Variants in MLLT3 observed in about 807,000 individuals in gnomAD.
MLLT3 encodes protein AF-9.
In MLLT3, 4 loss-of-function variants were observed where a neutral mutation model predicts 53.2. That is an observed-to-expected ratio of 0.08 (90% CI 0.04 to 0.17). The LOEUF (loss-of-function observed/expected upper bound fraction) is 0.17. MLLT3 is among the 10% of genes least tolerant of loss of function. The probability of loss-of-function intolerance (pLI) is 1.00; values close to 1 mark genes in which losing one functional copy is unlikely to be tolerated. For synonymous variants in MLLT3, 283 were observed against 230.6 expected, an observed-to-expected ratio of 1.23 and a Z score of -2.06; for missense variants, 569 against 684.0, an observed-to-expected ratio of 0.83 and a Z score of 1.87.
chr9:20,431,526 G>C (rs1823268176), intron 4 of MLLT3, among the ~76,000 whole-genome samples: 1 of 152,130 alleles, frequency 6.6e-6, no homozygotes, highest in Non-Finnish European at 1.5e-5. Context: ...TAAAGGTTAA[G>C]CATGGTTTAT....
chr9:20,426,681 C>T (rs1173113226), intron 4 of MLLT3, among the ~76,000 whole-genome samples: 1 of 152,008 alleles, frequency 6.6e-6, no homozygotes, highest in Non-Finnish European at 1.5e-5. Context: ...CAGAAAACAA[C>T]TCGTCTAATT....
chr9:20,595,334 G>A (rs1291634), intron 2 of MLLT3, among the ~76,000 whole-genome samples: 61,520 of 151,890 alleles, frequency 0.41, 13,093 homozygotes, highest in Middle Eastern at 0.49. Flanking sequence ...ACATACCACT[G>A]CACTCCAGCC....
chr9:20,561,750 G>C (rs1819218123), intron 2 of MLLT3, among the ~76,000 whole-genome samples: 1 of 152,158 alleles, frequency 6.6e-6, no homozygotes, highest in South Asian at 2.1e-4. Context: ...AAATCTGTTT[G>C]ATCTCTGCAG....
intron 2 of MLLT3, among the ~76,000 whole-genome samples, chr9:20,467,089 T>C (rs958291742): frequency 1.3e-5 from 2 of 151,686 alleles, no homozygotes; most frequent in African/African-American, 4.8e-5. Flanking sequence ...AGAGACACTA[T>C]GAAAATAAGA....
intron 5 of MLLT3, among the ~76,000 whole-genome samples, chr9:20,372,141 C>T (rs1350370144): frequency 6.6e-6 from 1 of 152,136 alleles, no homozygotes; most frequent in African/African-American, 2.4e-5. Context: ...TGAGGAGTTG[C>T]TGCTTATGGA....
chr9:20,437,470 AG>A (rs1382864662), intron 4 of MLLT3, among the ~76,000 whole-genome samples: 3 of 152,204 alleles, frequency 2.0e-5, no homozygotes, highest in African/African-American at 7.2e-5. Flanking sequence ...AAATGATCCC[AG>A]GGGTTGGTGT....
At chr9:20,372,677 G>C (rs1010708846) in intron 5 of MLLT3, among the ~76,000 whole-genome samples, 1 of 150,858 alleles carries the variant, frequency 6.6e-6, no homozygotes, top group African/African-American at 2.4e-5. Flanking sequence ...CAAAGTGCTG[G>C]GATTACAGGC....
At chr9:20,602,548 C>T (rs1820452617) in intron 2 of MLLT3, among the ~76,000 whole-genome samples, 1 of 152,064 alleles carries the variant, frequency 6.6e-6, no homozygotes, top group Non-Finnish European at 1.5e-5. Flanking sequence ...CACACAAACA[C>T]CTAACCCATA....
chr9:20,571,570 C>G (rs1221676395), intron 2 of MLLT3, among the ~76,000 whole-genome samples: 1 of 152,116 alleles, frequency 6.6e-6, no homozygotes, highest in Non-Finnish European at 1.5e-5. Flanking sequence ...AGGTATTTCT[C>G]CTAATGCTAT....
At chr9:20,370,064 T>A (rs566995564) in intron 5 of MLLT3, among the ~76,000 whole-genome samples, 1 of 152,230 alleles carries the variant, frequency 6.6e-6, no homozygotes, top group Non-Finnish European at 1.5e-5. Flanking sequence ...TCTAACCACA[T>A]GCTTACCTGA....
intron 2 of MLLT3, among the ~76,000 whole-genome samples, chr9:20,500,005 G>GA: frequency 6.6e-6 from 1 of 152,260 alleles, no homozygotes; most frequent in South Asian, 2.1e-4. Flanking sequence ...CCACCTAACA[G>GA]AAAATGGAAA....
intron 2 of MLLT3, among the ~76,000 whole-genome samples, chr9:20,492,058 A>C (rs1824961253): frequency 6.6e-6 from 1 of 152,096 alleles, no homozygotes; most frequent in South Asian, 2.1e-4. Flanking sequence ...TAACCTATTT[A>C]GAAAAAAAGA....
At chr9:20,584,972 C>T (rs1485869975) in intron 2 of MLLT3, among the ~76,000 whole-genome samples, 1 of 152,188 alleles carries the variant, frequency 6.6e-6, no homozygotes, top group East Asian at 1.9e-4. Flanking sequence ...TATAAACATT[C>T]ATGGGCAGGT....
At chr9:20,504,346 G>A (rs1331585862) in intron 2 of MLLT3, among the ~76,000 whole-genome samples, 1 of 144,520 alleles carries the variant, frequency 6.9e-6, no homozygotes, top group Non-Finnish European at 1.5e-5. Flanking sequence ...TATCCCCAAT[G>A]GAATTGTGTG....
chr9:20,375,610 CT>C (rs1307638910), intron 5 of MLLT3, among the ~76,000 whole-genome samples: 1,372 of 94,748 alleles, frequency 0.014, 4 homozygotes, highest in South Asian at 0.03. Flanking sequence ...TTTTTCTTTT[CT>C]TTTTTTTTTT....
At position 20,621,737 on chromosome 9, in the gene MLLT3, A is replaced by G. The variant is rs772253849; in HGVS notation, c.12+508T>C. On this transcript the variant is annotated intron_variant, in intron 1 of 10. Transcript: ENST00000380338. This position sits in a 1 kb window ranked among gnomAD's most constrained non-coding sequence, Gnocchi z 7.0. ...GGCCCCGCCGCTGTCAGCCCCGCAC[A>G]CTTCGGCTCACACACGCGCGCCGCG... 2.0e-5 allele frequency: 30 copies of G among 1,489,282 alleles called. No homozygotes were observed. The South Asian group carries it at 3.7e-4, about 19-fold the overall frequency. The allele number at this position is 1,489,282 out of a possible 1,614,324, so 92.3% of individuals were successfully genotyped here. A position where few individuals can be genotyped will look rare whatever the true frequency, so the allele number is the denominator to read the frequency against.
intron 2 of MLLT3, among the ~76,000 whole-genome samples, chr9:20,544,239 A>G (rs921672641): frequency 6.6e-6 from 1 of 152,210 alleles, no homozygotes; most frequent in African/African-American, 2.4e-5. Context: ...CCTTCAGAAT[A>G]TCGGATTTGG....
chr9:20,417,661 T>C (rs1822904365), intron 4 of MLLT3, among the ~76,000 whole-genome samples: 1 of 152,138 alleles, frequency 6.6e-6, no homozygotes, highest in Non-Finnish European at 1.5e-5. Context: ...AATATACATA[T>C]ATTTGCACTA....
chr9:20,371,551 C>T (rs753475764), intron 5 of MLLT3, among the ~76,000 whole-genome samples: 21 of 152,152 alleles, frequency 1.4e-4, no homozygotes, highest in Admixed American at 2.0e-4. Flanking sequence ...AGGAATGGAA[C>T]AACAAAACCT....
Sources: allele counts gnomAD v4.1 joint callset (sites outside exome capture counted in the v4.1 genomes callset), GRCh38; gene constraint gnomAD v4.1.1; non-coding constraint Gnocchi (gnomAD v3.1); transcripts MANE v1.5; gene names NCBI Gene and HGNC (gene_info 2026-07-23, HGNC 2026-07-21).